The following ZNF827 variants were observed in gnomAD, a reference collection of about 807,000 sequenced individuals.
ZNF827 encodes zinc finger protein 827.
In ZNF827, 13 loss-of-function variants were observed where a neutral mutation model predicts 102.4. The observed-to-expected ratio is 0.13, with a 90% CI of 0.08 to 0.20. The LOEUF (loss-of-function observed/expected upper bound fraction) is 0.20. ZNF827 is among the 10% of genes least tolerant of loss of function. ZNF827 has a pLI of 1.00. For synonymous variants in ZNF827, 523 were observed against 536.2 expected, an observed-to-expected ratio of 0.98 and a Z score of 0.34; for missense variants, 1,103 against 1,344.4, an observed-to-expected ratio of 0.82 and a Z score of 2.81.
chr4:145,782,017 C>T (rs11940111), intron 8 of ZNF827, among the ~76,000 whole-genome samples: 26,893 of 152,110 alleles, frequency 0.18, 3,371 homozygotes, highest in East Asian at 0.67. Flanking sequence ...TGAAAGCTAC[C>T]GAGGCTGTGC....
At chr4:145,833,746 AC>A (rs1282642537) in intron 7 of ZNF827, among the ~76,000 whole-genome samples, 1 of 137,976 alleles carries the variant, frequency 7.2e-6, no homozygotes, top group African/African-American at 2.8e-5. Context: ...ATATCTCTGC[AC>A]CCCAATCCCT....
At chr4:145,853,282 A>G (rs1429239501) in intron 5 of ZNF827, among the ~76,000 whole-genome samples, 5 of 152,164 alleles carry the variant, frequency 3.3e-5, no homozygotes, top group Non-Finnish European at 7.3e-5. Context: ...CATTTCTACT[A>G]TCTCTTAGCT....
intron 1 of ZNF827, among the ~76,000 whole-genome samples, chr4:145,924,106 A>T (rs898993911): frequency 5.9e-5 from 9 of 152,258 alleles, no homozygotes; most frequent in Non-Finnish European, 1.2e-4. Context: ...ACATGGATAA[A>T]TCCCAGAAAG....
chr4:145,774,706 G>A, intron 10 of ZNF827, 34 bp from the exon 11 acceptor site: 1 of 1,600,138 alleles, frequency 6.2e-7, no homozygotes, highest in Non-Finnish European at 8.5e-7. Context: ...GAGGGGGAGA[G>A]AAAAGGGTGA....
At chr4:145,805,962 C>T (rs999066346) in intron 8 of ZNF827, among the ~76,000 whole-genome samples, 27 of 151,730 alleles carry the variant, frequency 1.8e-4, no homozygotes, top group African/African-American at 6.5e-4. Flanking sequence ...TTCCCAAACC[C>T]CCTCTTTCCC....
chr4:145,774,002 C>G (rs189033118), intron 11 of ZNF827, among the ~76,000 whole-genome samples: 20 of 152,274 alleles, frequency 1.3e-4, no homozygotes, highest in African/African-American at 3.8e-4. Flanking sequence ...TCAGTAGTCA[C>G]TGAAACTAGT....
In ZNF827 at chr4:145,761,113, AC is replaced by A; in HGVS notation, c.*502del. ...CAGGAGATTCCGGGAGCTCCCGACC[AC>A]CAGGAGCGGGGCCCCCGGGCCGGCC... On this transcript the variant is annotated 3_prime_UTR_variant, in exon 15 of 15. Transcript: ENST00000508784. The surrounding 1 kb of genome is among the most constrained non-coding windows in gnomAD (Gnocchi z 6.8). 1 of 1,289,552 alleles carries A rather than the reference AC, an allele frequency of 7.8e-7. No homozygotes were observed. The highest frequency in any genetic ancestry group is 1.0e-6 in the Non-Finnish European group (1 of 988,700). 79.9% of individuals were successfully genotyped at this position (1,289,552 alleles called of 1,614,324 possible).
intron 9 of ZNF827, among the ~76,000 whole-genome samples, chr4:145,778,480 C>T (rs541741412): frequency 4.6e-5 from 7 of 152,130 alleles, no homozygotes; most frequent in South Asian, 4.2e-4. Flanking sequence ...ATAGTGGCAG[C>T]GTGCACCTGT....
At chr4:145,856,979 G>T (rs931691149) in intron 5 of ZNF827, among the ~76,000 whole-genome samples, 2 of 100,260 alleles carry the variant, frequency 2.0e-5, no homozygotes, top group Non-Finnish European at 4.0e-5. Context: ...GCGCGCGCAC[G>T]CGCACGCACA....
chr4:145,850,884 C>A (rs1042873359), intron 5 of ZNF827, among the ~76,000 whole-genome samples: 1 of 152,044 alleles, frequency 6.6e-6, no homozygotes, highest in Admixed American at 6.6e-5. Context: ...GCGAATGTGA[C>A]TTTATTTGGG....
chr4:145,853,982 A>G (rs1579381259), intron 5 of ZNF827, among the ~76,000 whole-genome samples: 1 of 152,142 alleles, frequency 6.6e-6, no homozygotes, highest in East Asian at 1.9e-4. Flanking sequence ...ATTAAAAAAA[A>G]ATGAAGAAAC....
intron 7 of ZNF827, among the ~76,000 whole-genome samples, chr4:145,825,778 T>G (rs181972660): frequency 3.2e-4 from 49 of 152,268 alleles, no homozygotes; most frequent in African/African-American, 1.2e-3. Flanking sequence ...ATCACTGAGC[T>G]GCTCAGAAGA....
intron 5 of ZNF827, among the ~76,000 whole-genome samples, chr4:145,858,633 C>T (rs1747404454): frequency 7.0e-6 from 1 of 143,732 alleles, no homozygotes; most frequent in Non-Finnish European, 1.5e-5. Flanking sequence ...CACAGAGAGA[C>T]CCTGTCTCAA....
intron 13 of ZNF827, 87 bp downstream of exon 13, chr4:145,764,901 A>T (rs755593929): frequency 1.9e-6 from 3 of 1,596,212 alleles, no homozygotes; most frequent in Non-Finnish European, 2.6e-6. Context: ...ATGACTCCCA[A>T]AACCTTCACG....
intron 7 of ZNF827, 103 bp from the exon 8 acceptor site, chr4:145,823,628 T>C (rs1743376974): frequency 2.6e-6 from 2 of 758,680 alleles, no homozygotes; most frequent in South Asian, 3.1e-5. Flanking sequence ...AGATAAGGTG[T>C]TGCTGTTTGC....
At chr4:145,806,356 A>T (rs972398914) in intron 8 of ZNF827, among the ~76,000 whole-genome samples, 1 of 151,360 alleles carries the variant, frequency 6.6e-6, no homozygotes. Flanking sequence ...GGGTTTCGCC[A>T]TGTTGCCCAG....
intron 8 of ZNF827, among the ~76,000 whole-genome samples, chr4:145,814,162 T>A (rs1266531751): frequency 6.6e-6 from 1 of 152,226 alleles, no homozygotes; most frequent in Non-Finnish European, 1.5e-5. Context: ...GTAAGTATCA[T>A]GAAAATTATC....
chr4:145,907,211 C>CT (rs948082681), intron 1 of ZNF827: 5 of 454,882 alleles, frequency 1.1e-5, no homozygotes, highest in African/African-American at 4.0e-5. Flanking sequence ...TTTTTTTCTT[C>CT]TTTTTTTGCC....
At chr4:145,803,717 T>C (rs945192223) in intron 8 of ZNF827, among the ~76,000 whole-genome samples, 47 of 152,174 alleles carry the variant, frequency 3.1e-4, no homozygotes, top group African/African-American at 1.1e-3. Context: ...TCTAGAACTT[T>C]AATAGAGCTG....
Sources: allele counts gnomAD v4.1 joint callset (sites outside exome capture counted in the v4.1 genomes callset), GRCh38; gene constraint gnomAD v4.1.1; non-coding constraint Gnocchi (gnomAD v3.1); transcripts MANE v1.5; gene names NCBI Gene and HGNC (gene_info 2026-07-23, HGNC 2026-07-21).